NME8: variants seen among roughly 807,000 people sequenced by gnomAD.
NME8 encodes the protein protein NME8.
Under a neutral mutation model 82.3 loss-of-function variants are expected in NME8, and 72 were observed. That is an observed-to-expected ratio of 0.87 (90% confidence interval 0.72 to 1.06). The LOEUF (loss-of-function observed/expected upper bound fraction) is 1.06, where lower values mean the gene tolerates loss of function less well. NME8 is among the 50% of genes least tolerant of loss of function. The pLI is 0.00. For missense variants in NME8, 712 were observed against 685.4 expected (o/e 1.04, Z -0.43); for synonymous variants, 267 against 228.5 (o/e 1.17, Z -1.52).
At chr7:37,864,561 G>A (rs1319692250) in intron 9 of NME8, 140 bp downstream of exon 9, 2 of 853,158 alleles carry the variant, frequency 2.3e-6, no homozygotes, top group African/African-American at 1.7e-5. Context: ...GAGGCTTTGA[G>A]TACTTTATGT....
Position 37,884,339 on chromosome 7 carries a change from A to G in NME8, c.1031A>G (p.Lys344Arg), listed in dbSNP as rs1485628268. The G allele has an allele frequency of 6.3e-7, 1 of 1,597,888 alleles. No individual in the cohort carries two copies. The highest frequency in any genetic ancestry group is 1.3e-5 in the African/African-American group (1 of 74,610). Residue 344 changes from lysine to arginine, a missense_variant, in exon 13 of 18, where the codon AAA (lysine) becomes AGA (arginine). Lys to Arg is a conservative substitution (Grantham distance 26). Coordinates refer to ENST00000199447, the MANE Select transcript of NME8 (RefSeq NM_016616.5). The part of the protein sequence containing the change: ...VLRIIKDEDF[K>R]ILEQRQVVLS... ...CGTATTATTAAAGATGAAGACTTCA[A>G]AATACTGGAGCAAAGACAAGTAGTA...
chr7:37,870,319 G>A (rs1248800559), intron 11 of NME8, among the ~76,000 whole-genome samples: 5 of 151,818 alleles, frequency 3.3e-5, no homozygotes, highest in Non-Finnish European at 5.9e-5. Context: ...AGCCGGGTGC[G>A]GTGGCTCATG....
chr7:37,882,651 AAGAAAG>A (rs1466292088), intron 12 of NME8, among the ~76,000 whole-genome samples: 19 of 146,056 alleles, frequency 1.3e-4, no homozygotes, highest in African/African-American at 4.8e-4. Context: ...AAGAGAAAGA[AAGAAAG>A]AGAAAGAAAG....
intron 15 of NME8, among the ~76,000 whole-genome samples, chr7:37,891,351 G>C (rs1241628787): frequency 6.6e-6 from 1 of 151,734 alleles, no homozygotes; most frequent in Non-Finnish European, 1.5e-5. Flanking sequence ...TCACTGCCGA[G>C]ACCAATGCTA....
chr7:37,873,398 C>G (rs908578243), intron 11 of NME8, among the ~76,000 whole-genome samples: 1 of 148,194 alleles, frequency 6.7e-6, no homozygotes, highest in Admixed American at 6.8e-5. Flanking sequence ...TCTTTATGTA[C>G]CTTTGAATAT....
At chr7:37,887,636 C>T (rs1029424232) in intron 14 of NME8, among the ~76,000 whole-genome samples, 4 of 152,172 alleles carry the variant, frequency 2.6e-5, no homozygotes, top group African/African-American at 4.8e-5. Flanking sequence ...AGCTTTTTCA[C>T]TGCACAGGGC....
intron 16 of NME8, 155 bp from the exon 17 acceptor site, chr7:37,896,715 A>C (rs913639218): frequency 1.5e-6 from 1 of 672,554 alleles, no homozygotes; most frequent in Non-Finnish European, 2.6e-6. Context: ...TAGAAGAGGG[A>C]GAAATGAAAA....
intron 7 of NME8, among the ~76,000 whole-genome samples, chr7:37,862,645 A>ATT (rs5883615): frequency 2.1e-4 from 32 of 149,848 alleles, no homozygotes; most frequent in Middle Eastern, 3.4e-3. Context: ...TTTGAGAAAT[A>ATT]TTTTTTTTTT....
intron 12 of NME8, among the ~76,000 whole-genome samples, chr7:37,877,344 T>C (rs1487952060): frequency 6.6e-6 from 1 of 152,150 alleles, no homozygotes; most frequent in Non-Finnish European, 1.5e-5. Context: ...GAACAAGATA[T>C]TTTACCAAGT....
intron 6 of NME8, among the ~76,000 whole-genome samples, chr7:37,858,641 G>A (rs779128764): frequency 6.6e-6 from 1 of 151,916 alleles, no homozygotes; most frequent in Non-Finnish European, 1.5e-5. Flanking sequence ...GGCTTGGGGG[G>A]CTCATGGAAC....
At chr7:37,896,190 G>A (rs1196656926) in intron 16 of NME8, among the ~76,000 whole-genome samples, 1 of 152,184 alleles carries the variant, frequency 6.6e-6, no homozygotes, top group African/African-American at 2.4e-5. Flanking sequence ...GTGCTATTGA[G>A]ATATAAATAA....
At chr7:37,865,461 AAACTT>A in intron 9 of NME8, 59 bp from the exon 10 acceptor site, 2 of 1,177,018 alleles carry the variant, frequency 1.7e-6, no homozygotes, top group South Asian at 1.2e-5. Context: ...CCCAAAAAAC[AAACTT>A]AACTTGTTTT....
intron 6 of NME8, 103 bp from the exon 7 acceptor site, chr7:37,861,925 G>T: frequency 1.2e-6 from 1 of 800,426 alleles, no homozygotes; most frequent in South Asian, 1.3e-5. Flanking sequence ...TCATGAGGAT[G>T]AGAGTAGGGT....
intron 5 of NME8, among the ~76,000 whole-genome samples, chr7:37,855,842 G>T (rs1233020047): frequency 1.3e-5 from 2 of 152,028 alleles, no homozygotes; most frequent in Non-Finnish European, 2.9e-5. Flanking sequence ...CATAAAAGCT[G>T]CATTTTCAGT....
chr7:37,853,243 C>T (rs961243692), intron 5 of NME8, among the ~76,000 whole-genome samples: 1 of 152,076 alleles, frequency 6.6e-6, no homozygotes, highest in Non-Finnish European at 1.5e-5. Context: ...TCAGGTATTA[C>T]TTTTGCAAAT....
intron 12 of NME8, among the ~76,000 whole-genome samples, chr7:37,880,358 TTTGAG>T (rs1018320025): frequency 7.9e-5 from 12 of 152,180 alleles, no homozygotes; most frequent in African/African-American, 2.9e-4. Context: ...TATCATCCAT[TTTGAG>T]TTATTTTTAT....
chr7:37,883,125 T>C (rs1784989525), intron 12 of NME8, among the ~76,000 whole-genome samples: 1 of 152,202 alleles, frequency 6.6e-6, no homozygotes, highest in Non-Finnish European at 1.5e-5. Context: ...AAATCTACTT[T>C]CTTTAGCTTT....
chr7:37,851,105 C>T (rs185609414), intron 5 of NME8, among the ~76,000 whole-genome samples: 57 of 152,256 alleles, frequency 3.7e-4, no homozygotes, highest in African/African-American at 1.3e-3. Context: ...AACCCAGTTA[C>T]CATATTTTCC....
At chr7:37,873,071 A>G (rs1235224394) in intron 11 of NME8, among the ~76,000 whole-genome samples, 1 of 152,246 alleles carries the variant, frequency 6.6e-6, no homozygotes, top group Non-Finnish European at 1.5e-5. Context: ...TTATGCTAGA[A>G]TAAAAATACA....
Sources: gnomAD v4.1 joint callset for allele counts (sites outside exome capture counted in the v4.1 genomes callset) on GRCh38, gnomAD v4.1.1 for gene constraint, MANE v1.5 for transcripts, NCBI Gene and HGNC (gene_info 2026-07-23, HGNC 2026-07-21) for gene names.